Variants in SENP6 observed in about 807,000 individuals in gnomAD.
SENP6 encodes the protein SUMO specific peptidase 6, also known as sentrin-specific protease 6.
A neutral mutation model predicts 134.5 loss-of-function variants in SENP6; 41 were observed. That is an observed-to-expected ratio of 0.30 (90% CI 0.24 to 0.40). The LOEUF is 0.40. Ranked by LOEUF, SENP6 falls within the 10% of genes least tolerant of loss-of-function variation. SENP6 has a pLI of 1.00. For synonymous variants in SENP6, 395 were observed against 429.8 expected (o/e 0.92, Z 1.00); for missense variants, 1,248 against 1,312.5 (o/e 0.95, Z 0.76).
intron 18 of SENP6, among the ~76,000 whole-genome samples, chr6:75,702,007 C>T (rs143481800): frequency 0.02 from 3,114 of 151,950 alleles, 42 homozygotes; most frequent in South Asian, 0.044. Flanking sequence ...AGGGGAATGA[C>T]GAGTTGCAAA....
intron 2 of SENP6, among the ~76,000 whole-genome samples, 198 bp from the exon 3 acceptor site, chr6:75,623,702 A>G (rs1388649025): frequency 1.3e-5 from 2 of 152,202 alleles, no homozygotes; most frequent in African/African-American, 4.8e-5. Flanking sequence ...AGCCACATGT[A>G]TTGTTTATGG....
intron 5 of SENP6, among the ~76,000 whole-genome samples, chr6:75,637,358 A>G (rs1024875582): frequency 6.6e-6 from 1 of 152,214 alleles, no homozygotes; most frequent in Non-Finnish European, 1.5e-5. Context: ...TTATCTAAAC[A>G]GAATGGTGAA....
chr6:75,635,056 C>G, intron 5 of SENP6: 2 of 553,546 alleles, frequency 3.6e-6, no homozygotes, highest in Non-Finnish European at 6.7e-6. Flanking sequence ...TCCAGAGAAT[C>G]TAAGATGATA....
intron 9 of SENP6, 71 bp downstream of exon 9, chr6:75,663,589 T>G: frequency 9.2e-7 from 1 of 1,091,600 alleles, no homozygotes. Context: ...TTACAACCAC[T>G]CTCCCCAACC....
At chr6:75,702,338 C>T (rs1051806764) in intron 18 of SENP6, among the ~76,000 whole-genome samples, 10 of 151,778 alleles carry the variant, frequency 6.6e-5, no homozygotes, top group Admixed American at 5.3e-4. Context: ...CTGCCTCAGC[C>T]TACTGAGTAG....
chr6:75,673,319 C>CTTTT lies in SENP6; in HGVS notation c.1393-2099_1393-2096dup, dbSNP rs373435139. ...TGTAGATGAAATAGACCAATGTCTA[C>CTTTT]TTTTTTTTTTTTTTTTTTTTGAGAC... On this transcript the variant is annotated intron_variant, in intron 11 of 23. Coordinates refer to ENST00000447266, the MANE Select transcript of SENP6 (RefSeq NM_015571.4). Among the ~76,000 whole-genome samples the CTTTT allele has an allele frequency of 1.4e-3, 158 of 116,894 alleles. 4 individuals carry two copies. Among genetic ancestry groups the CTTTT allele is most frequent in the Non-Finnish European group, 1.6e-3 (97 of 59,990 alleles). 76.7% of individuals were successfully genotyped at this position (116,894 alleles called of 152,430 possible).
intron 18 of SENP6, among the ~76,000 whole-genome samples, chr6:75,701,589 G>GA (rs35990906): frequency 7.5e-5 from 11 of 147,136 alleles, no homozygotes; most frequent in Non-Finnish European, 1.3e-4. Flanking sequence ...TTAGAATGTT[G>GA]AAAAAATCAT....
At chr6:75,617,263 C>CTTTTTTTTTTTTTT (rs71002751) in intron 1 of SENP6, among the ~76,000 whole-genome samples, 6 of 58,092 alleles carry the variant, frequency 1.0e-4, no homozygotes, top group Admixed American at 2.3e-4. Context: ...TTCTTTCTTT[C>CTTTTTTTTTTTTTT]TTTTTTTTTT....
intron 5 of SENP6, among the ~76,000 whole-genome samples, chr6:75,635,890 T>C (rs1769474273): frequency 6.6e-6 from 1 of 152,170 alleles, no homozygotes; most frequent in Admixed American, 6.5e-5. Flanking sequence ...TCTGATAATG[T>C]AGTCTAAGTT....
intron 10 of SENP6, 33 bp from the exon 11 acceptor site, chr6:75,670,520 A>G: frequency 2.6e-6 from 4 of 1,527,318 alleles, no homozygotes; most frequent in Non-Finnish European, 3.6e-6. Flanking sequence ...ATTTTAGTAA[A>G]TTATTAAGTG....
intron 11 of SENP6, among the ~76,000 whole-genome samples, chr6:75,674,714 TA>T (rs1246540202): frequency 1.3e-5 from 2 of 152,240 alleles, no homozygotes; most frequent in African/African-American, 4.8e-5. Flanking sequence ...AGTGACATTC[TA>T]GACTTTGCAA....
intron 6 of SENP6, among the ~76,000 whole-genome samples, chr6:75,640,920 T>C (rs1009806456): frequency 1.3e-5 from 2 of 152,160 alleles, no homozygotes; most frequent in Non-Finnish European, 2.9e-5. Context: ...TCAGGGTAAT[T>C]AGTATATCCA....
intron 19 of SENP6, among the ~76,000 whole-genome samples, chr6:75,708,213 C>A (rs936707844): frequency 1.3e-5 from 2 of 152,054 alleles, no homozygotes; most frequent in Non-Finnish European, 2.9e-5. Context: ...AGGTGCATGC[C>A]ACCATGCCCA....
intron 16 of SENP6, among the ~76,000 whole-genome samples, chr6:75,690,854 C>G (rs1774192911): frequency 1.3e-5 from 2 of 151,834 alleles, no homozygotes; most frequent in Non-Finnish European, 2.9e-5. Context: ...CACCACCACA[C>G]CTGGCTAATT....
rs1388339873 is a variant in SENP6 at position 75,695,880 on chromosome 6, C to T, written c.2152C>T (p.Leu718Phe). 6.2e-7 allele frequency: 1 copy of T among 1,606,664 alleles called. No homozygotes were observed. The highest frequency in any genetic ancestry group is 1.3e-5 in the African/African-American group (1 of 74,596). The change falls in exon 17 of 24, where the codon CTT becomes TTT. Residue 718 changes from leucine to phenylalanine, a missense_variant. By Grantham distance (22) the Leu-to-Phe change is conservative. Around this residue, in one of 3 missense-constraint regions of SENP6, gnomAD observed 129 missense variants for 192.0 expected, o/e 0.67. Coordinates refer to ENST00000447266, the MANE Select transcript of SENP6 (RefSeq NM_015571.4). ...ATTCAGTTCTTTTTTCTATAAACGC[C>T]TTAATCAGAGAGAGAGGAGAAATCA... ...HIFSSFFYKRLNQRERRNHET... is the reference protein window; with the variant it reads ...HIFSSFFYKRFNQRERRNHET...
At chr6:75,668,469 A>G (rs1772419899) in intron 10 of SENP6, among the ~76,000 whole-genome samples, 1 of 152,216 alleles carries the variant, frequency 6.6e-6, no homozygotes, top group South Asian at 2.1e-4. Flanking sequence ...CCATAGGGAA[A>G]TAAGGAAAGG....
chr6:75,658,456 C>A (rs570319540), intron 7 of SENP6, among the ~76,000 whole-genome samples: 1 of 152,146 alleles, frequency 6.6e-6, no homozygotes, highest in Non-Finnish European at 1.5e-5. Context: ...TTTACAGATT[C>A]TTCACTTATG....
At chr6:75,633,481 G>T in intron 3 of SENP6, 100 bp from the exon 4 acceptor site, 1 of 957,448 alleles carries the variant, frequency 1.0e-6, no homozygotes. Context: ...ATTCCCAATA[G>T]CTGTATGTTT....
chr6:75,668,851 C>T (rs971243930), intron 10 of SENP6, among the ~76,000 whole-genome samples: 15 of 152,142 alleles, frequency 9.9e-5, no homozygotes, highest in African/African-American at 3.4e-4. Flanking sequence ...CATAAGGGTA[C>T]CTCAGTGTGT....
Sources: allele counts gnomAD v4.1 joint callset (sites outside exome capture counted in the v4.1 genomes callset), GRCh38; gene constraint gnomAD v4.1.1; regional missense constraint gnomAD v4.1.1; transcripts MANE v1.5; gene names NCBI Gene and HGNC (gene_info 2026-07-23, HGNC 2026-07-21).